MCF2L: variants seen among roughly 807,000 people sequenced by gnomAD.
MCF2L encodes MCF.2 cell line derived transforming sequence like.
Under a neutral mutation model 153.4 loss-of-function variants are expected in MCF2L, and 97 were observed. The ratio of observed to expected loss-of-function variants is 0.63; its 90% confidence interval spans 0.54 to 0.75. The LOEUF is 0.75. Ranked by LOEUF, MCF2L falls within the 30% of genes least tolerant of loss-of-function variation. MCF2L has a pLI of 0.00. For synonymous variants in MCF2L, 659 were observed against 632.2 expected, an observed-to-expected ratio of 1.04 and a Z score of -0.64; for missense variants, 1,347 against 1,495.2, an observed-to-expected ratio of 0.90 and a Z score of 1.64.
At chr13:113,065,724 C>G (rs902008499) in intron 7 of MCF2L, among the ~76,000 whole-genome samples, 1 of 152,306 alleles carries the variant, frequency 6.6e-6, no homozygotes, top group Non-Finnish European at 1.5e-5. Context: ...CTCACCGGGC[C>G]GCTCCACCGT....
At chr13:113,022,515 C>G (rs756094560) in intron 2 of MCF2L, among the ~76,000 whole-genome samples, 3 of 152,166 alleles carry the variant, frequency 2.0e-5, no homozygotes, top group Non-Finnish European at 4.4e-5. Context: ...GGCTTCTGGG[C>G]GGTGCTGGAA....
At chr13:112,961,509 G>T (rs2081825573) in intron 2 of MCF2L, among the ~76,000 whole-genome samples, 1 of 152,198 alleles carries the variant, frequency 6.6e-6, no homozygotes. Flanking sequence ...AGGGAACATG[G>T]TCAGGCCTGG....
At chr13:113,008,629 C>T (rs943544221) in intron 1 of MCF2L, 47 of 152,296 alleles carry the variant, frequency 3.1e-4, no homozygotes, top group African/African-American at 1.1e-3. Context: ...TGTCCTTTTA[C>T]ATATTAAACA....
Position 112,969,460 on chromosome 13 carries a change from T to G in MCF2L, c.79+2T>G. ...TAAATGCGGTTTCCAAGCACACGGG[T>G]AGGAGGAGCTGCTGGCCGTCAGTGA... On this transcript the variant is annotated splice_donor_variant, in intron 1 of 29. Coordinates refer to ENST00000535094, the MANE Select transcript of MCF2L (RefSeq NM_001112732.3). LOFTEE classifies it high-confidence loss of function. The surrounding 1 kb of genome is among the most constrained non-coding windows in gnomAD (Gnocchi z 4.8). The G allele has an allele frequency of 6.5e-7, 1 of 1,549,874 alleles. No individual in the cohort carries two copies. The highest frequency in any genetic ancestry group is 1.4e-5 in the African/African-American group (1 of 73,058).
rs574387206 is a variant in MCF2L, at chr13:113,030,870, G to A, written c.278+6112G>A. On this transcript the variant is annotated intron_variant, in intron 3 of 29. Transcript: ENST00000535094. ...TGCACAGGTAGACGGTCAGACCTGT[G>A]TGTCCAGGCACTGCTTGCTGAGAAG... Among the ~76,000 whole-genome samples the A allele has an allele frequency of 2.6e-5, 4 of 152,300 alleles. No individual in the cohort carries two copies. In the South Asian group the frequency reaches 6.2e-4, roughly 24 times the overall value.
chr13:113,006,931 C>T (rs972227042), intron 1 of MCF2L, among the ~76,000 whole-genome samples: 2 of 152,108 alleles, frequency 1.3e-5, no homozygotes, highest in Admixed American at 6.5e-5. Context: ...GGGCTGTGAC[C>T]GGAGGTGGCA....
intron 1 of MCF2L, among the ~76,000 whole-genome samples, chr13:113,014,154 G>A (rs969529467): frequency 3.3e-5 from 5 of 152,254 alleles, no homozygotes; most frequent in Admixed American, 6.5e-5. Flanking sequence ...GCTGCAGTGC[G>A]TCCAGAGCCA....
chr13:113,078,025 C>A (rs1287929810), intron 13 of MCF2L, among the ~76,000 whole-genome samples: 1 of 152,186 alleles, frequency 6.6e-6, no homozygotes, highest in Admixed American at 6.5e-5. Context: ...GCAGTGAGGC[C>A]CCACCGTCCT....
intron 1 of MCF2L, among the ~76,000 whole-genome samples, chr13:112,978,356 G>A (rs879896094): frequency 2.3e-4 from 35 of 152,224 alleles, no homozygotes; most frequent in Non-Finnish European, 3.7e-4. Flanking sequence ...ACCTTGTTGC[G>A]TCTGGCAGGT....
chr13:112,916,076 C>T (rs888201014), intron 2 of MCF2L, among the ~76,000 whole-genome samples: 2 of 150,796 alleles, frequency 1.3e-5, no homozygotes, highest in Admixed American at 6.6e-5. Flanking sequence ...GGCATGATGG[C>T]GGTTGTCTGT....
At chr13:112,979,810 G>A in intron 1 of MCF2L, 1 of 1,537,570 alleles carries the variant, frequency 6.5e-7, no homozygotes, top group Non-Finnish European at 8.8e-7. Flanking sequence ...TGTCCCCTCT[G>A]CAGGTGTCCT....
rs954598351 is a variant in MCF2L, at chr13:113,096,783, C to T, written c.3302C>T (p.Pro1101Leu). The change falls in exon 30 of 30, where the codon CCG becomes CTG. Residue 1101 changes from proline to leucine, a missense_variant. Pro to Leu is a moderately conservative substitution (Grantham distance 98). Around this residue, in one of 3 missense-constraint regions of MCF2L, gnomAD observed 383 missense variants for 335.4 expected, o/e 1.14. Coordinates refer to ENST00000535094, the MANE Select transcript of MCF2L (RefSeq NM_001112732.3). Reference sequence around the variant, plus strand: ...CCTGATCTCCCCGCAGAGTCGAGCCCGGGGTCGGCCGTGCTGAGCAACTCG... The same window carrying T: ...CCTGATCTCCCCGCAGAGTCGAGCCTGGGGTCGGCCGTGCTGAGCAACTCG... The part of the protein sequence containing the change: ...AQCLSSSESS[P>L]GSAVLSNSSS... 2 of 1,567,022 alleles carry T rather than the reference C, an allele frequency of 1.3e-6. No individual in the cohort carries two copies. The highest frequency in any genetic ancestry group is 1.4e-5 in the African/African-American group (1 of 71,630).
intron 3 of MCF2L, among the ~76,000 whole-genome samples, chr13:113,026,426 C>G (rs977118440): frequency 2.3e-4 from 35 of 152,198 alleles, no homozygotes; most frequent in African/African-American, 6.5e-4. Context: ...ATCTGGGGTC[C>G]GAATCCAGCT....
chr13:113,021,436 G>A (rs9577426), intron 2 of MCF2L, among the ~76,000 whole-genome samples: 27,376 of 152,082 alleles, frequency 0.18, 2,593 homozygotes, highest in East Asian at 0.29. Context: ...GCTTGGGTGC[G>A]AGAGTTCACA....
chr13:113,010,113 A>AT (rs2083984584), intron 1 of MCF2L: 1 of 30,368 alleles, frequency 3.3e-5, no homozygotes, highest in African/African-American at 1.1e-4. Flanking sequence ...TCCACCCCCC[A>AT]TACCCCCCCC....
At chr13:112,919,610 A>G (rs1214829279) in intron 2 of MCF2L, among the ~76,000 whole-genome samples, 2 of 152,240 alleles carry the variant, frequency 1.3e-5, no homozygotes, top group African/African-American at 4.8e-5. Context: ...TTGAGAAAAT[A>G]GAAAGCACAT....
At chr13:113,078,898 C>T (rs2033806983) in intron 15 of MCF2L, among the ~76,000 whole-genome samples, 159 bp downstream of exon 15, 1 of 152,236 alleles carries the variant, frequency 6.6e-6, no homozygotes, top group Non-Finnish European at 1.5e-5. Flanking sequence ...AGAGGGCCTG[C>T]CGTGGCTCGA....
intron 3 of MCF2L, among the ~76,000 whole-genome samples, chr13:113,030,732 A>C (rs1173528630): frequency 1.3e-5 from 2 of 152,182 alleles, no homozygotes; most frequent in East Asian, 1.9e-4. Context: ...CATTTAACCA[A>C]CATCGGCCAG....
At chr13:112,958,799 G>A (rs1031582446) in intron 2 of MCF2L, among the ~76,000 whole-genome samples, 1 of 152,324 alleles carries the variant, frequency 6.6e-6, no homozygotes, top group South Asian at 2.1e-4. Flanking sequence ...CCTCCTGGTG[G>A]GATTCCAGGT....
Sources: gnomAD v4.1 joint callset for allele counts (sites outside exome capture counted in the v4.1 genomes callset) on GRCh38, gnomAD v4.1.1 for gene constraint, gnomAD v4.1.1 regional missense constraint, Gnocchi (gnomAD v3.1) non-coding constraint, MANE v1.5 for transcripts, NCBI Gene and HGNC (gene_info 2026-07-23, HGNC 2026-07-21) for gene names.